Variants in ZNF771 observed in about 807,000 individuals in gnomAD.
ZNF771 encodes the protein zinc finger protein 771.
Under a neutral mutation model 27.6 loss-of-function variants are expected in ZNF771, and 10 were observed. That is an observed-to-expected ratio of 0.36 (90% CI 0.22 to 0.61). The LOEUF is 0.61. Ranked by LOEUF, ZNF771 falls within the 20% of genes least tolerant of loss-of-function variation. The pLI, the probability that ZNF771 is intolerant of heterozygous loss-of-function variation, is 0.70. For missense variants in ZNF771, 438 were observed against 503.7 expected, an observed-to-expected ratio of 0.87 and a Z score of 1.25; for synonymous variants, 261 against 225.2, an observed-to-expected ratio of 1.16 and a Z score of -1.43.
chr16:30,418,487 G>A lies in ZNF771; in HGVS notation c.*120G>A, dbSNP rs1397424714. ...AGGGGACGGCAGGCCCGGCTGCCCT[G>A]GAACTGGGAGACAGGGAGAATCCCC... On this transcript the variant is annotated 3_prime_UTR_variant, in exon 3 of 3. Transcript: ENST00000319296. 5 of 1,023,450 alleles carry A rather than the reference G, an allele frequency of 4.9e-6. No individual in the cohort carries two copies. The highest frequency in any genetic ancestry group is 6.6e-6 in the Non-Finnish European group (5 of 756,660). The allele number at this position is 1,023,450 out of a possible 1,614,324, so 63.4% of individuals were successfully genotyped here.
chr16:30,413,181 T>C (rs1044484871), intron 2 of ZNF771, among the ~76,000 whole-genome samples: 1 of 152,242 alleles, frequency 6.6e-6, no homozygotes, highest in African/African-American at 2.4e-5. Context: ...TGGATTATTA[T>C]ATTATTACAC....
Position 30,418,110 on chromosome 16 carries a change from T to G in ZNF771, c.697T>G (p.Cys233Gly). 6.7e-7 allele frequency: 1 copy of G among 1,484,548 alleles called. No individual in the cohort carries two copies. Among genetic ancestry groups the G allele is most frequent in the Non-Finnish European group, 8.9e-7 (1 of 1,125,066 alleles). 92.0% of individuals were successfully genotyped at this position (1,484,548 alleles called of 1,614,324 possible). Reference protein sequence around the residue: ...RVHTGEKPHRCAVCGRRFGHR... With the variant: ...RVHTGEKPHRGAVCGRRFGHR... ...GCACACGGGCGAGAAGCCGCACCGC[T>G]GCGCTGTGTGTGGCCGTCGCTTCGG... The change falls in exon 3 of 3, where the codon TGC (cysteine) becomes GGC (glycine). Residue 233 changes from cysteine to glycine, a missense_variant. Cys to Gly is a radical substitution (Grantham distance 159, BLOSUM62 -3). Around this residue, in one of 3 missense-constraint regions of ZNF771, gnomAD observed 305 missense variants for 308.0 expected, o/e 0.99. Coordinates refer to ENST00000319296, the MANE Select transcript of ZNF771 (RefSeq NM_001142305.2).
rs1419562402 is a variant in ZNF771 at position 30,418,892 on chromosome 16, G to A, written c.*525G>A. Reference sequence around the variant, plus strand: ...CCTCAGATCTCAGTCTAGTGAAGGAGAGAAAACTGTAATAACACTACGTTA... The same window carrying A: ...CCTCAGATCTCAGTCTAGTGAAGGAAAGAAAACTGTAATAACACTACGTTA... On this transcript the variant is annotated 3_prime_UTR_variant, in exon 3 of 3. Transcript: ENST00000319296. The A allele has an allele frequency of 6.5e-6, 1 of 154,870 alleles. No individual in the cohort carries two copies. The highest frequency in any genetic ancestry group is 2.4e-5 in the African/African-American group (1 of 41,562). 9.6% of individuals were successfully genotyped at this position (154,870 alleles called of 1,614,324 possible).
intron 1 of ZNF771, 68 bp downstream of exon 1, chr16:30,407,732 A>T: frequency 5.5e-6 from 1 of 183,062 alleles, no homozygotes; most frequent in Non-Finnish European, 1.2e-5. Context: ...CCAGAGCTCC[A>T]GGTCGCCGAC....
intron 2 of ZNF771, among the ~76,000 whole-genome samples, chr16:30,410,495 C>T (rs1360954217): frequency 1.3e-5 from 2 of 152,078 alleles, no homozygotes; most frequent in African/African-American, 4.8e-5. Context: ...AGACAAACGA[C>T]TCAAGGCAGT....
chr16:30,418,342 G>A lies in ZNF771; in HGVS notation c.929G>A (p.Arg310His), dbSNP rs1451618988. The A allele has an allele frequency of 4.8e-6, 7 of 1,450,324 alleles. No homozygotes were observed. The highest frequency in any genetic ancestry group is 2.9e-5 in the East Asian group (1 of 34,032). The allele number at this position is 1,450,324 out of a possible 1,614,324, so 89.8% of individuals were successfully genotyped here. Reference sequence around the variant, plus strand: ...GCCACGGCCGCCACTGCCACCGAGCGTTGCCCGGAGTGTGAGGGCAGCTGA... The same window carrying A: ...GCCACGGCCGCCACTGCCACCGAGCATTGCCCGGAGTGTGAGGGCAGCTGA... ...PGATAATATE[R>H]CPECEGS The change falls in exon 3 of 3, where the codon CGT becomes CAT. Residue 310 changes from arginine to histidine, a missense_variant. Physicochemically the swap from Arg to His is conservative, Grantham distance 29. Around this residue, in one of 3 missense-constraint regions of ZNF771, gnomAD observed 305 missense variants for 308.0 expected, o/e 0.99. Coordinates refer to ENST00000319296, the MANE Select transcript of ZNF771 (RefSeq NM_001142305.2).
chr16:30,408,179 C>T lies in ZNF771; in HGVS notation c.126C>T (p.Pro42=), dbSNP rs962792750. 59 of 1,613,720 alleles carry T rather than the reference C, an allele frequency of 3.7e-5. No homozygotes were observed. Among genetic ancestry groups the T allele is most frequent in the African/African-American group, 5.3e-5 (4 of 74,892 alleles). ...ATGAGGTGGTGAAACTCAAGATCCC[C>T]ATGGACAACAAGGAGGTATGTGTCA... The part of the protein sequence containing the change: ...EKYEVVKLKI[P]MDNKEVPGEA... The change falls in exon 2 of 3, where the codon CCC becomes CCT. Residue 42 remains proline (P), a synonymous_variant. Coordinates refer to ENST00000319296, the MANE Select transcript of ZNF771 (RefSeq NM_001142305.2).
chr16:30,415,661 G>A (rs1447103138), intron 2 of ZNF771, among the ~76,000 whole-genome samples: 3 of 152,288 alleles, frequency 2.0e-5, no homozygotes, highest in East Asian at 1.9e-4. Flanking sequence ...TATTACAGGC[G>A]TGAGCCACTG....
intron 2 of ZNF771, among the ~76,000 whole-genome samples, chr16:30,416,603 ACT>A (rs1230435127): frequency 3.3e-5 from 5 of 152,152 alleles, no homozygotes; most frequent in African/African-American, 1.2e-4. Context: ...GGTATGAGCC[ACT>A]ATCTTCTCTT....
intron 1 of ZNF771, 99 bp from the exon 2 acceptor site, chr16:30,407,946 G>A (rs1262493168): frequency 2.3e-6 from 2 of 868,320 alleles, no homozygotes; most frequent in East Asian, 5.8e-5. Flanking sequence ...GGCGGGAGAA[G>A]CCACGGCTGC....
intron 2 of ZNF771, among the ~76,000 whole-genome samples, chr16:30,408,652 G>T (rs780841827): frequency 6.6e-6 from 1 of 152,112 alleles, no homozygotes; most frequent in African/African-American, 2.4e-5. Context: ...CTATGATGTC[G>T]GTAGCATTTA....
chr16:30,418,247 A>C lies in ZNF771; in HGVS notation c.834A>C (p.Arg278=). 6.6e-7 allele frequency: 1 copy of C among 1,514,448 alleles called. No homozygotes were observed. Among genetic ancestry groups the C allele is most frequent in the Non-Finnish European group, 8.8e-7 (1 of 1,138,072 alleles). The allele number at this position is 1,514,448 out of a possible 1,614,324, so 93.8% of individuals were successfully genotyped here. A position where few individuals can be genotyped will look rare whatever the true frequency, so the allele number is the denominator to read the frequency against. The stretch of plus-strand genomic sequence containing the variant: ...TAAGCTCGCACTTCATTCGCCACCG[A>C]CGCGCGCACATGCGGCGCCGCCTGT... ...FRLSSHFIRH[R]RAHMRRRLYI... Residue 278 remains arginine (R), a synonymous_variant, in exon 3 of 3, where the codon CGA becomes CGC. Transcript: ENST00000319296.
At chr16:30,413,886 T>A (rs530950186) in intron 2 of ZNF771, 2 of 159,742 alleles carry the variant, frequency 1.3e-5, no homozygotes, top group African/African-American at 4.8e-5. Flanking sequence ...GGGAATTTGA[T>A]CTCACTTAGC....
At chr16:30,417,511 CG>C in intron 2 of ZNF771, 43 bp from the exon 3 acceptor site, 1 of 1,189,174 alleles carries the variant, frequency 8.4e-7, no homozygotes. Flanking sequence ...TCTCTGGCTC[CG>C]GGGCCTGCCG....
intron 2 of ZNF771, among the ~76,000 whole-genome samples, chr16:30,416,147 G>T (rs1251025916): frequency 6.6e-6 from 1 of 152,052 alleles, no homozygotes; most frequent in Non-Finnish European, 1.5e-5. Context: ...CTTGGTCCTG[G>T]CCTGGCTTCC....
chr16:30,408,780 G>A lies in ZNF771; in HGVS notation c.141+586G>A, dbSNP rs142468388. On this transcript the variant is annotated intron_variant, in intron 2 of 2. Transcript: ENST00000319296. ...AGGAGTCTGGGGTCAGAAGTGGGGT[G>A]ATGGACCCAGTCAGAGGAAATGGCT... 3.6e-3 allele frequency among the ~76,000 whole-genome samples: 555 copies of A among 152,238 alleles called. 2 individuals carry two copies. Among genetic ancestry groups the A allele is most frequent in the African/African-American group, 0.013 (537 of 41,532 alleles).
intron 2 of ZNF771, among the ~76,000 whole-genome samples, chr16:30,415,752 C>A (rs1047296873): frequency 6.6e-6 from 1 of 152,096 alleles, no homozygotes; most frequent in Non-Finnish European, 1.5e-5. Context: ...TCGTGGAGAT[C>A]GAATATGGGA....
chr16:30,408,310 A>G (rs898810662), intron 2 of ZNF771, 116 bp downstream of exon 2: 9 of 1,445,330 alleles, frequency 6.2e-6, no homozygotes, highest in South Asian at 1.2e-5. Context: ...CGGATCTAAA[A>G]CCTCAGGATT....
Position 30,418,100 on chromosome 16 carries a change from G to A in ZNF771, c.687G>A (p.Lys229=), listed in dbSNP as rs1478997578. 7 of 1,481,510 alleles carry A rather than the reference G, an allele frequency of 4.7e-6. No individual in the cohort carries two copies. Among genetic ancestry groups the A allele is most frequent in the Non-Finnish European group, 5.3e-6 (6 of 1,124,026 alleles). 91.8% of individuals were successfully genotyped at this position (1,481,510 alleles called of 1,614,324 possible). A position where few individuals can be genotyped will look rare whatever the true frequency, so the allele number is the denominator to read the frequency against. ...ACCGGCGCGTGCACACGGGCGAGAAGCCGCACCGCTGCGCTGTGTGTGGCC... is the reference window on the plus strand; with the variant it reads ...ACCGGCGCGTGCACACGGGCGAGAAACCGCACCGCTGCGCTGTGTGTGGCC... The part of the protein sequence containing the change: ...AKHRRVHTGE[K]PHRCAVCGRR... Residue 229 remains lysine, a synonymous_variant, in exon 3 of 3, where the codon AAG becomes AAA. Transcript: ENST00000319296.
Sources: allele counts gnomAD v4.1 joint callset (sites outside exome capture counted in the v4.1 genomes callset), GRCh38; gene constraint gnomAD v4.1.1; regional missense constraint gnomAD v4.1.1; transcripts MANE v1.5; gene names NCBI Gene and HGNC (gene_info 2026-07-23, HGNC 2026-07-21).